The following PPP1R9A variants were observed in gnomAD, a reference collection of about 807,000 sequenced individuals.
PPP1R9A encodes the protein protein phosphatase 1 regulatory subunit 9A.
A neutral mutation model predicts 141.9 loss-of-function variants in PPP1R9A; 59 were observed. That is an observed-to-expected ratio of 0.42 (90% CI 0.34 to 0.52). PPP1R9A has a LOEUF of 0.52. Among genes scored for constraint, PPP1R9A ranks in the 20% least tolerant of loss-of-function variants. PPP1R9A has a pLI of 0.10. For missense variants in PPP1R9A, 1,444 were observed against 1,611.9 expected, an observed-to-expected ratio of 0.90 and a Z score of 1.78; for synonymous variants, 500 against 569.7, an observed-to-expected ratio of 0.88 and a Z score of 1.74.
chr7:95,274,052 C>G, intron 15 of PPP1R9A, 33 bp from the exon 16 acceptor site: 1 of 1,509,166 alleles, frequency 6.6e-7, no homozygotes, highest in Non-Finnish European at 9.0e-7. Flanking sequence ...AAAATTTCAG[C>G]TTCCCCTTTC....
At chr7:95,109,099 A>G (rs17305648) in intron 2 of PPP1R9A, among the ~76,000 whole-genome samples, 6,536 of 152,320 alleles carry the variant, frequency 0.043, 188 homozygotes, top group Middle Eastern at 0.14. Context: ...ACACTCAACT[A>G]TCAATGTTTT....
intron 2 of PPP1R9A, among the ~76,000 whole-genome samples, chr7:94,954,153 A>G (rs1796809612): frequency 6.6e-6 from 1 of 151,880 alleles, no homozygotes; most frequent in Non-Finnish European, 1.5e-5. Context: ...TTAGCTCATT[A>G]ATTTTCAGCC....
intron 4 of PPP1R9A, among the ~76,000 whole-genome samples, chr7:95,145,573 A>C (rs895627157): frequency 6.6e-6 from 1 of 152,226 alleles, no homozygotes; most frequent in Admixed American, 6.5e-5. Context: ...TAAGTACATC[A>C]GTTAATCACT....
At chr7:95,090,360 A>G (rs1817180121) in intron 2 of PPP1R9A, among the ~76,000 whole-genome samples, 1 of 152,030 alleles carries the variant, frequency 6.6e-6, no homozygotes, top group East Asian at 1.9e-4. Flanking sequence ...TGGAAGTGCT[A>G]TTAACATATA....
At chr7:95,138,168 G>A (rs1584900544) in intron 4 of PPP1R9A, among the ~76,000 whole-genome samples, 5 of 151,988 alleles carry the variant, frequency 3.3e-5, no homozygotes, top group Admixed American at 1.3e-4. Context: ...TCCTGACCTC[G>A]TGATCCGCCC....
At chr7:95,254,157 A>G (rs1799268644) in intron 12 of PPP1R9A, among the ~76,000 whole-genome samples, 1 of 152,146 alleles carries the variant, frequency 6.6e-6, no homozygotes, top group Admixed American at 6.6e-5. Flanking sequence ...GGAGACTACT[A>G]ATTCTTACTG....
chr7:95,184,865 C>T (rs376284998), intron 5 of PPP1R9A, among the ~76,000 whole-genome samples: 1 of 151,836 alleles, frequency 6.6e-6, no homozygotes, highest in East Asian at 1.9e-4. Context: ...TTTATCCACT[C>T]ATTGATAGAT....
chr7:95,285,153 T>A (rs1805047666), intron 17 of PPP1R9A, among the ~76,000 whole-genome samples: 1 of 152,202 alleles, frequency 6.6e-6, no homozygotes, highest in Admixed American at 6.5e-5. Context: ...CGGTACTGAA[T>A]TCTCCAGCCT....
At chr7:95,260,278 T>C (rs1800227475) in intron 12 of PPP1R9A, among the ~76,000 whole-genome samples, 1 of 152,186 alleles carries the variant, frequency 6.6e-6, no homozygotes. Context: ...AAGGAGGTAT[T>C]CAGTTGCAAA....
chr7:95,137,934 CTT>C (rs1041692626), intron 4 of PPP1R9A, among the ~76,000 whole-genome samples: 13 of 134,500 alleles, frequency 9.7e-5, no homozygotes, highest in Non-Finnish European at 1.1e-4. Flanking sequence ...TTCTTTTTTT[CTT>C]TTTTTTTTTT....
chr7:95,216,148 T>C (rs1793362005), intron 7 of PPP1R9A, among the ~76,000 whole-genome samples: 1 of 152,206 alleles, frequency 6.6e-6, no homozygotes, highest in African/African-American at 2.4e-5. Context: ...TGAATTTTTG[T>C]ATAAGGTATA....
At chr7:95,212,622 G>A (rs1259657727) in intron 7 of PPP1R9A, among the ~76,000 whole-genome samples, 1 of 152,196 alleles carries the variant, frequency 6.6e-6, no homozygotes, top group Non-Finnish European at 1.5e-5. Flanking sequence ...TACCACCTCA[G>A]TCCTGGAAGG....
chr7:95,215,191 A>G (rs999914320), intron 7 of PPP1R9A, among the ~76,000 whole-genome samples: 5 of 135,206 alleles, frequency 3.7e-5, no homozygotes, highest in African/African-American at 1.1e-4. Context: ...TCATTGTTCA[A>G]TTCCCACCTA....
chr7:95,081,887 T>G (rs2152287186), intron 2 of PPP1R9A, among the ~76,000 whole-genome samples: 1 of 152,286 alleles, frequency 6.6e-6, no homozygotes, highest in South Asian at 2.1e-4. Flanking sequence ...CCTTCTCCCC[T>G]GCCCCCAACA....
chr7:95,054,297 G>A (rs1439025782), intron 2 of PPP1R9A, among the ~76,000 whole-genome samples: 2 of 137,792 alleles, frequency 1.5e-5, no homozygotes, highest in South Asian at 4.6e-4. Flanking sequence ...TTTTTTTTTT[G>A]TATTTTTAGT....
chr7:95,195,280 G>T (rs1585185592), intron 5 of PPP1R9A, among the ~76,000 whole-genome samples: 1 of 141,846 alleles, frequency 7.0e-6, no homozygotes, highest in Admixed American at 7.2e-5. Flanking sequence ...AAAGCCATCA[G>T]TTTTTTTTTT....
chr7:95,110,903 G>A (rs1042152105), intron 2 of PPP1R9A, among the ~76,000 whole-genome samples: 5 of 152,106 alleles, frequency 3.3e-5, no homozygotes, highest in Non-Finnish European at 5.9e-5. Flanking sequence ...ATTTGCTTAG[G>A]TAGCTTCAAG....
intron 3 of PPP1R9A, among the ~76,000 whole-genome samples, chr7:95,113,215 G>A (rs948055725): frequency 6.6e-6 from 1 of 151,958 alleles, no homozygotes; most frequent in African/African-American, 2.4e-5. Context: ...GATGACGTTT[G>A]AGAGATATTC....
At chr7:94,940,726 C>CA (rs1302636070) in intron 2 of PPP1R9A, among the ~76,000 whole-genome samples, 1 of 151,702 alleles carries the variant, frequency 6.6e-6, no homozygotes, top group Non-Finnish European at 1.5e-5. Context: ...AATGCAAGAT[C>CA]AAAAAATCAA....
Sources: allele counts gnomAD v4.1 joint callset (sites outside exome capture counted in the v4.1 genomes callset), GRCh38; gene constraint gnomAD v4.1.1; transcripts MANE v1.5; gene names NCBI Gene and HGNC (gene_info 2026-07-23, HGNC 2026-07-21).